Variants in PTPRD observed in about 807,000 individuals in gnomAD.
PTPRD encodes receptor-type tyrosine-protein phosphatase delta.
A neutral mutation model predicts 214.5 loss-of-function variants in PTPRD; 34 were observed. The observed-to-expected ratio is 0.16, with a 90% CI of 0.12 to 0.21. The LOEUF (loss-of-function observed/expected upper bound fraction) is 0.21, where lower values mean the gene tolerates loss of function less well. PTPRD is among the 10% of genes least tolerant of loss of function. PTPRD has a pLI of 1.00. For synonymous variants in PTPRD, 1,128 were observed against 845.7 expected (o/e 1.33, Z -5.79); for missense variants, 2,545 against 2,398.7 (o/e 1.06, Z -1.27).
chr9:9,278,293 A>G (rs1297896259), intron 9 of PTPRD, among the ~76,000 whole-genome samples: 2 of 151,216 alleles, frequency 1.3e-5, no homozygotes, highest in Non-Finnish European at 3.0e-5. Flanking sequence ...ATCTTTTATT[A>G]TTATTATGGC....
chr9:8,423,732 T>C (rs1003762407), intron 35 of PTPRD, among the ~76,000 whole-genome samples: 6 of 152,200 alleles, frequency 3.9e-5, no homozygotes, highest in South Asian at 2.1e-4. Context: ...TAACTGACAA[T>C]GTCAAAACAA....
At chr9:10,085,906 G>C (rs1373773378) in intron 3 of PTPRD, among the ~76,000 whole-genome samples, 1 of 151,766 alleles carries the variant, frequency 6.6e-6, no homozygotes, top group African/African-American at 2.4e-5. Context: ...CCTACTCTAT[G>C]AAAGTCTCTG....
intron 5 of PTPRD, among the ~76,000 whole-genome samples, chr9:9,847,550 C>T (rs1277715849): frequency 6.6e-6 from 1 of 152,064 alleles, no homozygotes; most frequent in Non-Finnish European, 1.5e-5. Flanking sequence ...CACTTTTTCA[C>T]CAATGCCCCC....
intron 19 of PTPRD, among the ~76,000 whole-genome samples, chr9:8,522,408 AGTTGTTAAAGGTAAG>A (rs1300212891): frequency 1.3e-5 from 2 of 152,118 alleles, no homozygotes; most frequent in African/African-American, 4.8e-5. Context: ...ATTAAGCTCA[AGTTGTTAAAGGTAAG>A]GATTGCAAAT....
At chr9:9,246,256 G>A (rs898236960) in intron 9 of PTPRD, among the ~76,000 whole-genome samples, 4 of 151,924 alleles carry the variant, frequency 2.6e-5, no homozygotes, top group African/African-American at 7.2e-5. Context: ...GATATGTCTC[G>A]AAACTAATAC....
chr9:9,002,128 G>C (rs1008936796), intron 11 of PTPRD, among the ~76,000 whole-genome samples: 3 of 151,864 alleles, frequency 2.0e-5, no homozygotes, highest in East Asian at 1.9e-4. Context: ...TTTTAACATA[G>C]CCTGATTCAT....
intron 14 of PTPRD, among the ~76,000 whole-genome samples, chr9:8,612,719 C>T (rs1263323614): frequency 6.6e-6 from 1 of 152,212 alleles, no homozygotes; most frequent in Non-Finnish European, 1.5e-5. Context: ...AGGATGACAA[C>T]TTCTGGGGGA....
At chr9:9,149,779 T>C (rs2099874944) in intron 10 of PTPRD, among the ~76,000 whole-genome samples, 1 of 152,218 alleles carries the variant, frequency 6.6e-6, no homozygotes, top group Admixed American at 6.5e-5. Flanking sequence ...GTTTCCACCT[T>C]GGGGTGACAG....
intron 22 of PTPRD, among the ~76,000 whole-genome samples, chr9:8,504,726 T>C (rs773976761): frequency 6.6e-6 from 1 of 152,166 alleles, no homozygotes; most frequent in Non-Finnish European, 1.5e-5. Context: ...CCGTTAAATG[T>C]GTGTATGTTG....
At chr9:10,268,302 TA>T (rs2094207362) in intron 3 of PTPRD, among the ~76,000 whole-genome samples, 1 of 148,902 alleles carries the variant, frequency 6.7e-6, no homozygotes, top group Non-Finnish European at 1.5e-5. Context: ...TAAATAATAA[TA>T]ATAATAATAA....
intron 3 of PTPRD, among the ~76,000 whole-genome samples, chr9:10,248,699 G>A (rs1290539694): frequency 6.6e-6 from 1 of 152,010 alleles, no homozygotes; most frequent in Non-Finnish European, 1.5e-5. Flanking sequence ...GAGTTCTTTA[G>A]AATACACTTT....
chr9:9,564,884 G>GGTTTTT (rs2083968412), intron 8 of PTPRD, among the ~76,000 whole-genome samples: 4 of 48,840 alleles, frequency 8.2e-5, no homozygotes, highest in Non-Finnish European at 1.1e-4. Context: ...TGAATCTTCT[G>GGTTTTT]TTTTTTTTTT....
rs371816505 is a variant in PTPRD, at chr9:10,048,483, T to C, written c.-544-14693A>G. 3.3e-5 allele frequency among the ~76,000 whole-genome samples: 5 copies of C among 152,232 alleles called. No individual in the cohort carries two copies. The East Asian group carries it at 7.7e-4, about 24-fold the overall frequency. On this transcript the variant is annotated intron_variant, in intron 3 of 45. Transcript: ENST00000381196. ...GCTATCTGGATTCATTCCAGCTGTC[T>C]ACTTGTTTTTATATTCACTGATTCA...
intron 3 of PTPRD, among the ~76,000 whole-genome samples, chr9:10,275,308 G>T (rs2094617029): frequency 6.6e-6 from 1 of 152,034 alleles, no homozygotes; most frequent in African/African-American, 2.4e-5. Context: ...TACCATATGG[G>T]GTAGAGAGGT....
chr9:8,918,078 C>T (rs756024251), intron 11 of PTPRD, among the ~76,000 whole-genome samples: 36 of 152,120 alleles, frequency 2.4e-4, no homozygotes, highest in Non-Finnish European at 4.1e-4. Flanking sequence ...TACAGGGGAA[C>T]CTCTACCCAA....
At chr9:10,429,437 G>C (rs957474086) in intron 2 of PTPRD, among the ~76,000 whole-genome samples, 2 of 151,644 alleles carry the variant, frequency 1.3e-5, no homozygotes, top group Admixed American at 1.3e-4. Flanking sequence ...TCAACCTAAG[G>C]GTCTATCAAC....
At chr9:9,806,465 C>A (rs1394206479) in intron 5 of PTPRD, among the ~76,000 whole-genome samples, 1 of 151,924 alleles carries the variant, frequency 6.6e-6, no homozygotes, top group Admixed American at 6.6e-5. Flanking sequence ...TGACAATACA[C>A]CCTCCCCGCC....
At chr9:9,916,532 T>C (rs1224861454) in intron 5 of PTPRD, among the ~76,000 whole-genome samples, 1 of 151,912 alleles carries the variant, frequency 6.6e-6, no homozygotes, top group Admixed American at 6.6e-5. Flanking sequence ...TCTATATATA[T>C]ATATACATGT....
At chr9:8,411,262 AT>A (rs1385236392) in intron 35 of PTPRD, among the ~76,000 whole-genome samples, 2 of 151,810 alleles carry the variant, frequency 1.3e-5, no homozygotes, top group Admixed American at 6.6e-5. Flanking sequence ...AAATAACTAG[AT>A]TTTTTACTAT....
Sources: allele counts gnomAD v4.1 joint callset (sites outside exome capture counted in the v4.1 genomes callset), GRCh38; gene constraint gnomAD v4.1.1; transcripts MANE v1.5; gene names NCBI Gene and HGNC (gene_info 2026-07-23, HGNC 2026-07-21).